ERBB4: variants seen among roughly 807,000 people sequenced by gnomAD.
ERBB4 encodes erb-b2 receptor tyrosine kinase 4, also known as receptor tyrosine-protein kinase erbB-4.
In ERBB4, 42 loss-of-function variants were observed where a neutral mutation model predicts 158.0. The ratio of observed to expected loss-of-function variants is 0.27; its 90% CI spans 0.21 to 0.34. ERBB4 has a LOEUF of 0.34. Ranked by LOEUF, ERBB4 falls within the 10% of genes least tolerant of loss-of-function variation. ERBB4 has a pLI of 1.00. For synonymous variants in ERBB4, 583 were observed against 558.7 expected (o/e 1.04, Z -0.61); for missense variants, 1,333 against 1,624.1 (o/e 0.82, Z 3.08).
chr2:211,990,140 A>T (rs2082034739), intron 2 of ERBB4, among the ~76,000 whole-genome samples: 1 of 152,050 alleles, frequency 6.6e-6, no homozygotes, highest in South Asian at 2.1e-4. Context: ...ATCATTTCCT[A>T]TCATGAATTA....
intron 12 of ERBB4, among the ~76,000 whole-genome samples, chr2:211,689,399 A>G (rs1419625880): frequency 6.6e-6 from 1 of 152,040 alleles, no homozygotes; most frequent in African/African-American, 2.4e-5. Flanking sequence ...GAGTTTCACT[A>G]CGTTGCCCAG....
intron 1 of ERBB4, among the ~76,000 whole-genome samples, chr2:212,307,405 T>C (rs965628055): frequency 6.6e-6 from 1 of 151,270 alleles, no homozygotes; most frequent in Non-Finnish European, 1.5e-5. Context: ...ACTAATGCTT[T>C]AAAAATATAT....
chr2:211,566,106 C>T (rs982064058), intron 19 of ERBB4, among the ~76,000 whole-genome samples: 2 of 152,146 alleles, frequency 1.3e-5, no homozygotes. Context: ...AGCATCCTCA[C>T]GTGGTACCAG....
At chr2:212,303,023 A>G (rs1237830594) in intron 1 of ERBB4, among the ~76,000 whole-genome samples, 1 of 151,448 alleles carries the variant, frequency 6.6e-6, no homozygotes, top group Non-Finnish European at 1.5e-5. Flanking sequence ...AAATGGGGAA[A>G]GAAGAGGAGT....
In ERBB4 at chr2:211,944,096, T is replaced by TATAC. The variant is rs1481580910; in HGVS notation, c.421+3333_421+3334insGTAT. Among the ~76,000 whole-genome samples the TATAC allele has an allele frequency of 3.5e-3, 463 of 131,292 alleles. 4 individuals are homozygous for TATAC. The highest frequency in any genetic ancestry group is 0.012 in the African/African-American group (375 of 30,672). The allele number at this position is 131,292 out of a possible 152,430, so 86.1% of individuals were successfully genotyped here. A position where few individuals can be genotyped will look rare whatever the true frequency, so the allele number is the denominator to read the frequency against. On this transcript the variant is annotated intron_variant, in intron 3 of 27. Transcript: ENST00000342788. ...CATGGTTACACTATATATATATATA[T>TATAC]ACATGGTTACACTATATATATATAC...
intron 3 of ERBB4, among the ~76,000 whole-genome samples, chr2:211,878,108 AAAAC>A (rs563930625): frequency 7.2e-5 from 11 of 152,312 alleles, no homozygotes; most frequent in East Asian, 3.9e-4. Flanking sequence ...ACGCCATCTC[AAAAC>A]AAACAAACAA....
intron 1 of ERBB4, among the ~76,000 whole-genome samples, chr2:212,333,527 GA>G (rs80161582): frequency 0.25 from 34,696 of 136,814 alleles, 4,360 homozygotes; most frequent in Non-Finnish European, 0.28. Flanking sequence ...GAAAAAATAC[GA>G]AAAAAAAAAA....
chr2:211,900,978 G>A (rs1490721669), intron 3 of ERBB4, among the ~76,000 whole-genome samples: 1 of 152,112 alleles, frequency 6.6e-6, no homozygotes, highest in African/African-American at 2.4e-5. Context: ...AATGGAGTGA[G>A]GCAAAACATG....
chr2:211,451,003 G>C (rs115207121), intron 20 of ERBB4, among the ~76,000 whole-genome samples: 1,553 of 152,326 alleles, frequency 0.01, 14 homozygotes, highest in Non-Finnish European at 0.018. Context: ...GAACATGAAG[G>C]CTGTCAGAAT....
intron 1 of ERBB4, among the ~76,000 whole-genome samples, chr2:212,176,994 G>A (rs941832131): frequency 6.6e-6 from 1 of 151,736 alleles, no homozygotes; most frequent in South Asian, 2.1e-4. Context: ...AATTAAAGTA[G>A]AGAAAGAGAG....
rs1225277006 is a variant in ERBB4, at chr2:211,382,083, A to G, written c.*1532T>C. The G allele has an allele frequency of 4.4e-6, 1 of 229,756 alleles. No individual in the cohort carries two copies. Among genetic ancestry groups the G allele is most frequent in the African/African-American group, 2.2e-5 (1 of 45,158 alleles). The allele number at this position is 229,756 out of a possible 1,614,324, so 14.2% of individuals were successfully genotyped here. On this transcript the variant is annotated 3_prime_UTR_variant, in exon 28 of 28. Coordinates refer to ENST00000342788, the MANE Select transcript of ERBB4 (RefSeq NM_005235.3). ...GATTAGTGTGTTGGATAATAAAATAATTGCATGAGAAGATGTTTCACATTT... is the reference window on the plus strand; with the variant it reads ...GATTAGTGTGTTGGATAATAAAATAGTTGCATGAGAAGATGTTTCACATTT...
At chr2:212,300,684 T>C (rs552935522) in intron 1 of ERBB4, among the ~76,000 whole-genome samples, 1 of 151,590 alleles carries the variant, frequency 6.6e-6, no homozygotes, top group South Asian at 2.1e-4. Context: ...ATCTACTATA[T>C]TATCTCATGA....
At chr2:212,284,857 T>C (rs1412839000) in intron 1 of ERBB4, among the ~76,000 whole-genome samples, 1 of 152,126 alleles carries the variant, frequency 6.6e-6, no homozygotes, top group Non-Finnish European at 1.5e-5. Context: ...TCGGAAAAGC[T>C]CTTTATGAAT....
At chr2:211,708,398 C>T (rs964818918) in intron 9 of ERBB4, among the ~76,000 whole-genome samples, 2 of 152,084 alleles carry the variant, frequency 1.3e-5, no homozygotes, top group Non-Finnish European at 2.9e-5. Flanking sequence ...ATCCCCTGAA[C>T]TAAGAAGCAT....
intron 3 of ERBB4, among the ~76,000 whole-genome samples, chr2:211,887,425 C>A (rs1220101592): frequency 6.6e-6 from 1 of 152,088 alleles, no homozygotes; most frequent in Non-Finnish European, 1.5e-5. Flanking sequence ...GTGTTCAGTG[C>A]CTAATAATAG....
chr2:211,444,741 T>A (rs2064068491), intron 20 of ERBB4, among the ~76,000 whole-genome samples: 1 of 152,080 alleles, frequency 6.6e-6, no homozygotes, highest in East Asian at 1.9e-4. Flanking sequence ...ATAGAAATTA[T>A]GTGCTGAACA....
intron 2 of ERBB4, among the ~76,000 whole-genome samples, chr2:211,955,361 T>C (rs1382139300): frequency 6.6e-6 from 1 of 151,872 alleles, no homozygotes; most frequent in Non-Finnish European, 1.5e-5. Flanking sequence ...TCCCTAGAAT[T>C]AACCATATTT....
Position 211,727,368 on chromosome 2 carries a change from A to G in ERBB4, c.623-2174T>C, listed in dbSNP as rs144405002. Among the ~76,000 whole-genome samples, 102 of 152,146 alleles carry G rather than the reference A, an allele frequency of 6.7e-4. No individual in the cohort carries two copies. In the East Asian group the frequency reaches 0.017, roughly 25 times the overall value. ...TCAAGTTTGCTTCTACCTCACCCCA[A>G]CTAACCTATGGGTTTATTGAAGTTT... is the stretch of plus-strand genomic sequence containing the variant. On this transcript the variant is annotated intron_variant, in intron 5 of 27. Transcript: ENST00000342788.
chr2:211,459,087 T>C (rs2064461150), intron 20 of ERBB4, among the ~76,000 whole-genome samples: 1 of 152,180 alleles, frequency 6.6e-6, no homozygotes, highest in Non-Finnish European at 1.5e-5. Context: ...AATCATAATA[T>C]CTCCCCAATA....
Sources: gnomAD v4.1 joint callset for allele counts (sites outside exome capture counted in the v4.1 genomes callset) on GRCh38, gnomAD v4.1.1 for gene constraint, MANE v1.5 for transcripts, NCBI Gene and HGNC (gene_info 2026-07-23, HGNC 2026-07-21) for gene names.